SPC25: variants seen among roughly 807,000 people sequenced by gnomAD.
The protein encoded by SPC25 is kinetochore protein Spc25.
In SPC25, 22 loss-of-function variants were observed where a neutral mutation model predicts 29.6. That is an observed-to-expected ratio of 0.74 (90% CI 0.53 to 1.06). The LOEUF (loss-of-function observed/expected upper bound fraction) is 1.06. Among genes scored for constraint, SPC25 ranks in the 50% least tolerant of loss-of-function variants. The pLI is 0.00. For synonymous variants in SPC25, 91 were observed against 90.4 expected, an observed-to-expected ratio of 1.01 and a Z score of -0.04; for missense variants, 230 against 255.8, an observed-to-expected ratio of 0.90 and a Z score of 0.69.
chr2:168,868,394 CA>C (rs908317265), downstream of SPC25, among the ~76,000 whole-genome samples: 168 of 151,892 alleles, frequency 1.1e-3, no homozygotes, highest in African/African-American at 3.8e-3. Flanking sequence ...AAAAACCCTT[CA>C]AAAAAATCAA....
In SPC25 at chr2:168,871,562, A is replaced by G. The variant is rs180674077; in HGVS notation, c.551-7T>C. ...TGAGGGGCACTATCTGACACTAGAA[A>G]AAAAAAAAAAAGAAATCAAAGACAA... On this transcript the variant is annotated splice_polypyrimidine_tract_variant and splice_region_variant and intron_variant, in intron 6 of 6. Coordinates refer to ENST00000282074, the MANE Select transcript of SPC25 (RefSeq NM_020675.4). The G allele has an allele frequency of 2.2e-5, 1 of 45,820 alleles. No individual in the cohort carries two copies. The highest frequency in any genetic ancestry group is 2.8e-5 in the Non-Finnish European group (1 of 35,552). The allele number at this position is 45,820 out of a possible 1,614,324, so 2.8% of individuals were successfully genotyped here.
chr2:168,889,048 C>CAT (rs1344025502), intron 3 of SPC25, among the ~76,000 whole-genome samples, 178 bp downstream of exon 3: 2 of 89,994 alleles, frequency 2.2e-5, no homozygotes, highest in African/African-American at 4.6e-5. Context: ...TATATATACA[C>CAT]ATATATATAC....
chr2:168,865,853 G>A (rs1196495106), intron 4 of SPC25, among the ~76,000 whole-genome samples: 5 of 152,220 alleles, frequency 3.3e-5, no homozygotes, highest in African/African-American at 9.7e-5. Flanking sequence ...GCCAAATCAT[G>A]AGTGAACTCC....
At chr2:168,872,726 G>A (rs1300814829) in intron 6 of SPC25, among the ~76,000 whole-genome samples, 1 of 152,094 alleles carries the variant, frequency 6.6e-6, no homozygotes, top group Non-Finnish European at 1.5e-5. Context: ...TTTGGGGCTT[G>A]CTTTTTAAAA....
intron 6 of SPC25, among the ~76,000 whole-genome samples, chr2:168,872,683 T>C (rs530136717): frequency 1.3e-5 from 2 of 152,290 alleles, no homozygotes; most frequent in South Asian, 4.1e-4. Flanking sequence ...GAATATCCAA[T>C]TTAGAGAAAA....
intron 5 of SPC25, 108 bp from the exon 6 acceptor site, chr2:168,873,791 A>G (rs2105823852): frequency 1.7e-6 from 1 of 601,592 alleles, no homozygotes; most frequent in Middle Eastern, 3.3e-4. Context: ...CAGTCATGTA[A>G]CCAACATTTC....
At chr2:168,862,113 C>A in intron 4 of SPC25, 2 of 1,460,326 alleles carry the variant, frequency 1.4e-6, no homozygotes, top group Non-Finnish European at 1.9e-6. Context: ...ATGAATAAAA[C>A]CCTGTCTTAG....
downstream of SPC25, among the ~76,000 whole-genome samples, chr2:168,869,386 G>T (rs139152739): frequency 0.02 from 3,057 of 152,232 alleles, 82 homozygotes; most frequent in African/African-American, 0.068. Flanking sequence ...GAAATAAAGG[G>T]CATTCAATTA....
chr2:168,869,261 A>G (rs571460190), downstream of SPC25, among the ~76,000 whole-genome samples: 131 of 152,280 alleles, frequency 8.6e-4, no homozygotes, highest in Non-Finnish European at 1.5e-3. Context: ...TATGGAATGG[A>G]CAAAAACTGG....
At chr2:168,870,528 C>A (rs531669547), downstream of SPC25, among the ~76,000 whole-genome samples, 1,033 of 151,864 alleles carry the variant, frequency 6.8e-3, 3 homozygotes, top group Middle Eastern at 0.02. Flanking sequence ...ACAAACAACC[C>A]CATCAAAAAG....
chr2:168,886,275 T>G (rs1690260541), intron 3 of SPC25, among the ~76,000 whole-genome samples: 1 of 152,024 alleles, frequency 6.6e-6, no homozygotes, highest in South Asian at 2.1e-4. Context: ...AGGCTGGTCT[T>G]GAACTCCTGG....
At position 168,890,297 on chromosome 2, in the gene SPC25, C is replaced by G. The variant is rs2272062; in HGVS notation, c.-15+21G>C. ...GCGACAGGGGGGCCAAGGAGCCCAG[C>G]TCGGCGCCCAACTCCCTTACCTTCG... On this transcript the variant is annotated intron_variant, in intron 1 of 6. Transcript: ENST00000282074. 2.8e-3 allele frequency: 2,717 copies of G among 981,276 alleles called. 82 individuals carry two copies. In the East Asian group the frequency reaches 0.11, roughly 38 times the overall value. The allele number at this position is 981,276 out of a possible 1,614,324, so 60.8% of individuals were successfully genotyped here.
intron 4 of SPC25, chr2:168,865,124 G>C (rs1689783945): frequency 1.3e-6 from 1 of 785,398 alleles, no homozygotes; most frequent in East Asian, 2.7e-5. Flanking sequence ...ATGATTATTA[G>C]CTTGAAACAG....
At chr2:168,869,985 CA>C (rs1689948501), downstream of SPC25, among the ~76,000 whole-genome samples, 1 of 152,198 alleles carries the variant, frequency 6.6e-6, no homozygotes, top group Non-Finnish European at 1.5e-5. Context: ...ACCAAAACAG[CA>C]TGGTACTGGT....
In SPC25 at chr2:168,862,212, T is replaced by TAATA. The variant is rs536564261; in HGVS notation, n.419+11369_419+11372dup. 1.5e-4 allele frequency among the ~76,000 whole-genome samples: 23 copies of TAATA among 152,372 alleles called. No individual in the cohort carries two copies. In the South Asian group the frequency reaches 4.3e-3, roughly 29 times the overall value. On this transcript the variant is annotated intron_variant and non_coding_transcript_variant, in intron 4 of 4. Transcript: ENST00000479309. Reference sequence around the variant, plus strand: ...TCTAAAACAAAAGCTCGCATAATGATAATAGCTAACGCTTATTCTGTTTAC... The same window carrying TAATA: ...TCTAAAACAAAAGCTCGCATAATGATAATAAATAGCTAACGCTTATTCTGTTTAC...
At chr2:168,863,128 G>T (rs1169328940) in intron 4 of SPC25, among the ~76,000 whole-genome samples, 3 of 152,018 alleles carry the variant, frequency 2.0e-5, no homozygotes, top group Non-Finnish European at 4.4e-5. Flanking sequence ...GTTCTCTGTT[G>T]GTTGCAAAGC....
chr2:168,877,367 T>A lies in SPC25; in HGVS notation c.217A>T (p.Lys73Ter). The change falls in exon 4 of 7, where the codon AAG (lysine) becomes TAG (stop). Residue 73 changes from lysine to a stop codon, truncating the protein, a stop_gained. Coordinates refer to ENST00000282074, the MANE Select transcript of SPC25 (RefSeq NM_020675.4). LOFTEE classifies it high-confidence loss of function. ...TTATCCTTTTTTTCTTGAATGAGCT[T>A]ATTTTGCCTGCTGATCTCTGTAAGA... is the stretch of plus-strand genomic sequence containing the variant. The part of the protein sequence containing the change: ...EYQNQISRQN[K>*]LIQEKKDNLL... 1 of 1,613,762 alleles carries A rather than the reference T, an allele frequency of 6.2e-7. No homozygotes were observed. Among genetic ancestry groups the A allele is most frequent in the East Asian group, 2.2e-5 (1 of 44,826 alleles).
At chr2:168,864,987 T>G in intron 4 of SPC25, 2 of 1,613,350 alleles carry the variant, frequency 1.2e-6, no homozygotes, top group Non-Finnish European at 1.7e-6. Context: ...ACTCTGAACA[T>G]ACTACCTTCA....
intron 6 of SPC25, among the ~76,000 whole-genome samples, chr2:168,873,123 T>C (rs1690023720): frequency 6.6e-6 from 1 of 152,238 alleles, no homozygotes; most frequent in African/African-American, 2.4e-5. Context: ...TTATTATCAA[T>C]GTGTGAGATT....
Sources: allele counts gnomAD v4.1 joint callset (sites outside exome capture counted in the v4.1 genomes callset), GRCh38; gene constraint gnomAD v4.1.1; transcripts MANE v1.5; gene names NCBI Gene and HGNC (gene_info 2026-07-23, HGNC 2026-07-21).